DNAJC18: variants seen among roughly 807,000 people sequenced by gnomAD.
DNAJC18 encodes DnaJ heat shock protein family (Hsp40) member C18.
A neutral mutation model predicts 48.6 loss-of-function variants in DNAJC18; 40 were observed. The observed-to-expected ratio is 0.82, with a 90% CI of 0.64 to 1.07. The LOEUF (loss-of-function observed/expected upper bound fraction) is 1.07, where lower values mean the gene tolerates loss of function less well. Among genes scored for constraint, DNAJC18 ranks in the 50% least tolerant of loss-of-function variants. The pLI, the probability that DNAJC18 is intolerant of heterozygous loss-of-function variation, is 0.00. For synonymous variants in DNAJC18, 135 were observed against 152.2 expected, an observed-to-expected ratio of 0.89 and a Z score of 0.83; for missense variants, 340 against 427.7, an observed-to-expected ratio of 0.79 and a Z score of 1.81.
At chr5:139,433,765 A>G (rs1242526913) in intron 2 of DNAJC18, among the ~76,000 whole-genome samples, 2 of 152,180 alleles carry the variant, frequency 1.3e-5, no homozygotes, top group East Asian at 1.9e-4. Context: ...ACTTTTTATA[A>G]TAGATTTGTG....
At position 139,412,072 on chromosome 5, in the gene DNAJC18, C is replaced by G. The variant is rs1418307358; in HGVS notation, c.*2076G>C. On this transcript the variant is annotated 3_prime_UTR_variant, in exon 8 of 8. Coordinates refer to ENST00000302060, the MANE Select transcript of DNAJC18 (RefSeq NM_152686.4). Reference sequence around the variant, plus strand: ...AAATCTGGCTATTTCTAGAAATGCTCCCTCTCCCTGCAACTGAGCAGTTGT... The same window carrying G: ...AAATCTGGCTATTTCTAGAAATGCTGCCTCTCCCTGCAACTGAGCAGTTGT... 2.0e-5 allele frequency: 3 copies of G among 152,246 alleles called. No individual in the cohort carries two copies. The East Asian group carries it at 5.8e-4, about 29-fold the overall frequency. The allele number at this position is 152,246 out of a possible 1,614,324, so 9.4% of individuals were successfully genotyped here.
At chr5:139,431,378 C>T (rs550674123) in intron 2 of DNAJC18, among the ~76,000 whole-genome samples, 27 of 152,296 alleles carry the variant, frequency 1.8e-4, no homozygotes, top group African/African-American at 6.5e-4. Context: ...TCTCCCCCAG[C>T]CCCTGGGACC....
intron 2 of DNAJC18, 105 bp from the exon 3 acceptor site, chr5:139,428,788 C>T (rs1220833308): frequency 3.8e-5 from 52 of 1,371,690 alleles, no homozygotes; most frequent in Non-Finnish European, 3.6e-5. Flanking sequence ...CCAAAACAAA[C>T]CTATAAGAAA....
rs1487922958 is a variant in DNAJC18 at position 139,439,412 on chromosome 5, T to G, written c.34A>C (p.Thr12Pro). ...AATLGSGERW[T>P]EAYIDAVRRN... ...TCAGGCGGGGACCTAGTACCTTCCG[T>G]CCAGCGCTCCCCGCTGCCCAGAGTC... is the stretch of plus-strand genomic sequence containing the variant. Residue 12 changes from threonine to proline, a missense_variant, in exon 1 of 8, where the codon ACG becomes CCG. Physicochemically the swap from Thr to Pro is conservative, Grantham distance 38. Coordinates refer to ENST00000302060, the MANE Select transcript of DNAJC18 (RefSeq NM_152686.4). The surrounding 1 kb of genome is among the most constrained non-coding windows in gnomAD (Gnocchi z 4.1). 8.7e-6 allele frequency: 14 copies of G among 1,613,898 alleles called. No homozygotes were observed. The highest frequency in any genetic ancestry group is 1.2e-5 in the Non-Finnish European group (14 of 1,180,014).
At chr5:139,426,085 T>A in intron 4 of DNAJC18, 87 bp downstream of exon 4, 1 of 1,387,384 alleles carries the variant, frequency 7.2e-7, no homozygotes. Flanking sequence ...CATACCATTG[T>A]ACCTCTATTC....
Position 139,412,503 on chromosome 5 carries a change from C to G in DNAJC18, c.*1645G>C, listed in dbSNP as rs1759009064. ...CTTGAACTCCTGACCTCAGGTGATC[C>G]ACCTGCCACAGCCTCCCAAAGTGCT... On this transcript the variant is annotated 3_prime_UTR_variant, in exon 8 of 8. Transcript: ENST00000302060. 1 of 378,346 alleles carries G rather than the reference C, an allele frequency of 2.6e-6. No homozygotes were observed. 23.4% of individuals were successfully genotyped at this position (378,346 alleles called of 1,614,324 possible).
In DNAJC18 at chr5:139,428,567, C is replaced by T. The variant is rs779423800; in HGVS notation, c.344G>A (p.Cys115Tyr). The change falls in exon 3 of 8, where the codon TGT becomes TAT. Residue 115 changes from cysteine to tyrosine, a missense_variant. Physicochemically the swap from Cys to Tyr is radical, Grantham distance 194. Transcript: ENST00000302060. ...LALKFHPDKN[C>Y]APGATDAFKA... Reference sequence around the variant, plus strand: ...GAAAGCATCTGTTGCTCCAGGAGCACAGTTCTTGTCAGGGTGAAATTTCAG... The same window carrying T: ...GAAAGCATCTGTTGCTCCAGGAGCATAGTTCTTGTCAGGGTGAAATTTCAG... 10 of 1,613,766 alleles carry T rather than the reference C, an allele frequency of 6.2e-6. No individual in the cohort carries two copies. Among genetic ancestry groups the T allele is most frequent in the African/African-American group, 1.3e-5 (1 of 74,874 alleles).
chr5:139,434,228 T>C (rs939329540), intron 2 of DNAJC18, among the ~76,000 whole-genome samples: 1 of 152,214 alleles, frequency 6.6e-6, no homozygotes, highest in African/African-American at 2.4e-5. Context: ...GTATTTATCT[T>C]TTAAAATTGA....
chr5:139,432,065 T>C (rs941807507), intron 2 of DNAJC18, among the ~76,000 whole-genome samples: 2 of 152,214 alleles, frequency 1.3e-5, no homozygotes, highest in African/African-American at 4.8e-5. Flanking sequence ...TGTCTTCTTA[T>C]TGTTGAGTTT....
chr5:139,417,113 C>G (rs1244058531), intron 7 of DNAJC18, among the ~76,000 whole-genome samples: 1 of 151,470 alleles, frequency 6.6e-6, no homozygotes, highest in African/African-American at 2.4e-5. Context: ...TCGCTTGAAC[C>G]TGGGAGGTGG....
chr5:139,427,522 A>C (rs1035352681), intron 3 of DNAJC18, among the ~76,000 whole-genome samples: 1 of 152,228 alleles, frequency 6.6e-6, no homozygotes, highest in South Asian at 2.1e-4. Context: ...CTACAACTCT[A>C]TATATACATA....
intron 2 of DNAJC18, among the ~76,000 whole-genome samples, chr5:139,433,701 A>G (rs913342483): frequency 3.9e-5 from 6 of 152,240 alleles, no homozygotes; most frequent in Non-Finnish European, 7.3e-5. Context: ...TCTCAAATGC[A>G]AATGGTACCA....
rs543866495 is a variant in DNAJC18, at chr5:139,439,259, G to T, written c.40+147C>A. Reference sequence around the variant, plus strand: ...GGTCCCCAGCTTCCCTACCCCATCCGCAACCCTACTCAGGCTCAGCATCTT... The same window carrying T: ...GGTCCCCAGCTTCCCTACCCCATCCTCAACCCTACTCAGGCTCAGCATCTT... On this transcript the variant is annotated intron_variant, in intron 1 of 7. Transcript: ENST00000302060. This position sits in a 1 kb window ranked among gnomAD's most constrained non-coding sequence, Gnocchi z 4.1. 3.7e-6 allele frequency: 5 copies of T among 1,340,216 alleles called. No homozygotes were observed. In the African/African-American group the frequency reaches 4.4e-5, roughly 12 times the overall value. 83.0% of individuals were successfully genotyped at this position (1,340,216 alleles called of 1,614,324 possible).
At chr5:139,420,748 C>T (rs1354068846) in intron 6 of DNAJC18, among the ~76,000 whole-genome samples, 1 of 151,816 alleles carries the variant, frequency 6.6e-6, no homozygotes, top group East Asian at 1.9e-4. Context: ...TTCAATGATG[C>T]TTTAGAGCTA....
chr5:139,434,966 T>C (rs1750613444), intron 2 of DNAJC18, among the ~76,000 whole-genome samples: 1 of 152,214 alleles, frequency 6.6e-6, no homozygotes, highest in African/African-American at 2.4e-5. Flanking sequence ...AAACACCTAG[T>C]TGTTCACCTT....
chr5:139,435,986 A>C (rs1462618167), intron 2 of DNAJC18, among the ~76,000 whole-genome samples: 1 of 151,828 alleles, frequency 6.6e-6, no homozygotes, highest in Non-Finnish European at 1.5e-5. Context: ...AGCCTCCCAA[A>C]GTAATGGGAT....
chr5:139,422,563 T>C, intron 6 of DNAJC18, 145 bp downstream of exon 6: 1 of 649,490 alleles, frequency 1.5e-6, no homozygotes, highest in Non-Finnish European at 2.7e-6. Context: ...CTCAGCACCA[T>C]GACTACCCAG....
At chr5:139,426,033 CAA>C (rs1190625491) in intron 4 of DNAJC18, 137 bp downstream of exon 4, 1 of 983,228 alleles carries the variant, frequency 1.0e-6, no homozygotes, top group Non-Finnish European at 1.5e-6. Context: ...AGACTTGCCT[CAA>C]ACTCCTGCTC....
rs1360648819 is a variant in DNAJC18 at position 139,413,040 on chromosome 5, T to C, written c.*1108A>G. On this transcript the variant is annotated 3_prime_UTR_variant, in exon 8 of 8. Coordinates refer to ENST00000302060, the MANE Select transcript of DNAJC18 (RefSeq NM_152686.4). ...CTCTCTGGGCCAATGTTCTCATTCA[T>C]AGAACCAGGGATAATACATCTACTT... 1 of 397,614 alleles carries C rather than the reference T, an allele frequency of 2.5e-6. No individual in the cohort carries two copies. The highest frequency in any genetic ancestry group is 4.4e-6 in the Non-Finnish European group (1 of 225,962). The allele number at this position is 397,614 out of a possible 1,614,324, so 24.6% of individuals were successfully genotyped here.
Sources: allele counts gnomAD v4.1 joint callset (sites outside exome capture counted in the v4.1 genomes callset), GRCh38; gene constraint gnomAD v4.1.1; non-coding constraint Gnocchi (gnomAD v3.1); transcripts MANE v1.5; gene names NCBI Gene and HGNC (gene_info 2026-07-23, HGNC 2026-07-21).